APBB2: variants seen among roughly 807,000 people sequenced by gnomAD.
APBB2 encodes the protein amyloid beta precursor protein binding family B member 2, also known as Fe65-like 1.
A neutral mutation model predicts 82.5 loss-of-function variants in APBB2; 38 were observed. The observed-to-expected ratio is 0.46, with a 90% CI of 0.36 to 0.60. The LOEUF is 0.60. Ranked by LOEUF, APBB2 falls within the 20% of genes least tolerant of loss-of-function variation. APBB2 has a pLI of 0.00. For synonymous variants in APBB2, 341 were observed against 368.2 expected (o/e 0.93, Z 0.85); for missense variants, 772 against 972.3 (o/e 0.79, Z 2.74).
At chr4:40,870,028 A>G (rs1765041179) in intron 12 of APBB2, among the ~76,000 whole-genome samples, 1 of 148,296 alleles carries the variant, frequency 6.7e-6, no homozygotes, top group Admixed American at 6.7e-5. Flanking sequence ...TCAAGTGTCT[A>G]AAAACTTAGG....
chr4:41,113,385 G>C (rs1018734025), intron 2 of APBB2, among the ~76,000 whole-genome samples: 9 of 152,102 alleles, frequency 5.9e-5, no homozygotes, highest in African/African-American at 1.7e-4. Flanking sequence ...AGAGAGGTAA[G>C]AGGCATAACA....
At chr4:40,920,371 G>A (rs559726940) in intron 10 of APBB2, among the ~76,000 whole-genome samples, 2 of 152,152 alleles carry the variant, frequency 1.3e-5, no homozygotes, top group East Asian at 1.9e-4. Context: ...ACCCAGTCTC[G>A]TGTATGTCTT....
chr4:41,115,153 A>G (rs984149903), intron 2 of APBB2, among the ~76,000 whole-genome samples: 2 of 152,182 alleles, frequency 1.3e-5, no homozygotes, highest in Non-Finnish European at 2.9e-5. Flanking sequence ...GAACAAAGGC[A>G]TCAGAAATAA....
At chr4:41,129,386 C>T (rs1197494442) in intron 2 of APBB2, among the ~76,000 whole-genome samples, 1 of 152,226 alleles carries the variant, frequency 6.6e-6, no homozygotes, top group Non-Finnish European at 1.5e-5. Flanking sequence ...TGTCCCCTCT[C>T]ACACTGCTCC....
At chr4:41,175,980 C>T (rs139842085) in intron 1 of APBB2, among the ~76,000 whole-genome samples, 42 of 152,192 alleles carry the variant, frequency 2.8e-4, no homozygotes, top group African/African-American at 9.6e-4. Flanking sequence ...CAGGACTTGG[C>T]CCCATATCAG....
intron 10 of APBB2, among the ~76,000 whole-genome samples, chr4:40,931,863 G>A (rs746949313): frequency 5.3e-5 from 8 of 151,548 alleles, no homozygotes; most frequent in Non-Finnish European, 7.4e-5. Flanking sequence ...AACAAAGTAA[G>A]ACACAGATGA....
intron 6 of APBB2, among the ~76,000 whole-genome samples, chr4:40,970,763 C>T (rs1160960366): frequency 6.6e-6 from 1 of 152,102 alleles, no homozygotes; most frequent in Non-Finnish European, 1.5e-5. Context: ...TAAGGGTAAC[C>T]CACTGCCCTC....
intron 4 of APBB2, among the ~76,000 whole-genome samples, chr4:41,044,434 A>G (rs868848240): frequency 1.3e-5 from 2 of 151,998 alleles, no homozygotes; most frequent in African/African-American, 4.8e-5. Context: ...CTTGTTACCT[A>G]TTTATTATCT....
chr4:41,116,428 C>T (rs937477529), intron 2 of APBB2, among the ~76,000 whole-genome samples: 2 of 152,008 alleles, frequency 1.3e-5, no homozygotes, highest in African/African-American at 2.4e-5. Context: ...CAAACCTGCA[C>T]GTTCTGCACA....
chr4:41,134,453 G>A (rs535178605), intron 2 of APBB2, among the ~76,000 whole-genome samples: 1 of 152,156 alleles, frequency 6.6e-6, no homozygotes, highest in East Asian at 1.9e-4. Context: ...GCATGGTGGC[G>A]GGTGCCTGTA....
chr4:40,845,957 C>T (rs1577912774), intron 12 of APBB2, among the ~76,000 whole-genome samples: 1 of 115,608 alleles, frequency 8.6e-6, no homozygotes, highest in East Asian at 2.8e-4. Flanking sequence ...TATTTTTTCC[C>T]TCCAGCTTCA....
At chr4:40,936,998 C>T (rs888360861) in intron 7 of APBB2, among the ~76,000 whole-genome samples, 67 of 152,218 alleles carry the variant, frequency 4.4e-4, no homozygotes, top group African/African-American at 1.6e-3. Flanking sequence ...TGTAGGGCTA[C>T]TAATATGGAT....
intron 12 of APBB2, among the ~76,000 whole-genome samples, chr4:40,844,136 C>T (rs1756802339): frequency 6.6e-6 from 1 of 151,906 alleles, no homozygotes; most frequent in Admixed American, 6.6e-5. Flanking sequence ...GATCTTTGGG[C>T]TGAAGAGGCA....
intron 10 of APBB2, among the ~76,000 whole-genome samples, chr4:40,932,991 G>C (rs1784582601): frequency 6.6e-6 from 1 of 152,302 alleles, no homozygotes; most frequent in East Asian, 1.9e-4. Flanking sequence ...AGCCTGCTGA[G>C]TAGCTGGGAT....
intron 11 of APBB2, 181 bp downstream of exon 11, chr4:40,893,084 T>C (rs898031619): frequency 2.5e-5 from 15 of 589,300 alleles, no homozygotes; most frequent in Middle Eastern, 4.7e-4. Flanking sequence ...CACTGGCATC[T>C]GGCAGTGCTA....
At chr4:41,033,639 G>GA (rs568827666) in intron 4 of APBB2, among the ~76,000 whole-genome samples, 139 of 112,006 alleles carry the variant, frequency 1.2e-3, no homozygotes, top group Non-Finnish European at 1.7e-3. Context: ...CACCACTACA[G>GA]AAAAAAAAAA....
rs1054215368 is a variant in APBB2 at position 40,812,419 on chromosome 4, G to GGA, written c.*3671_*3672dup. The GGA allele has an allele frequency of 1.5e-4, 23 of 152,342 alleles. No homozygotes were observed. Among genetic ancestry groups the GGA allele is most frequent in the African/African-American group, 5.5e-4 (23 of 41,578 alleles). The allele number at this position is 152,342 out of a possible 1,614,324, so 9.4% of individuals were successfully genotyped here. On this transcript the variant is annotated 3_prime_UTR_variant, in exon 18 of 18. Coordinates refer to ENST00000508593, the MANE Select transcript of APBB2 (RefSeq NM_004307.2). ...TCTTTCAGGGGAAGTAAGCTGCTCT[G>GGA]GAGGCCAGGAACTACTGCTTGCGTT...
chr4:41,109,325 T>C (rs1748354214), intron 2 of APBB2, among the ~76,000 whole-genome samples: 1 of 151,422 alleles, frequency 6.6e-6, no homozygotes. Context: ...GGAGTCTTGC[T>C]CTGTCGCCAG....
chr4:41,042,052 G>A (rs1251803985), intron 4 of APBB2, among the ~76,000 whole-genome samples: 5 of 151,892 alleles, frequency 3.3e-5, no homozygotes, highest in Admixed American at 6.6e-5. Context: ...GTGCAGTGGC[G>A]TGATCTCAGC....
Sources: gnomAD v4.1 joint callset for allele counts (sites outside exome capture counted in the v4.1 genomes callset) on GRCh38, gnomAD v4.1.1 for gene constraint, MANE v1.5 for transcripts, NCBI Gene and HGNC (gene_info 2026-07-23, HGNC 2026-07-21) for gene names.